The following NKAIN2 variants were observed in gnomAD, a reference collection of about 807,000 sequenced individuals.
NKAIN2 encodes sodium/potassium transporting ATPase interacting 2.
In NKAIN2, 14 loss-of-function variants were observed where a neutral mutation model predicts 32.6. The ratio of observed to expected loss-of-function variants is 0.43; its 90% CI spans 0.28 to 0.67. The LOEUF (loss-of-function observed/expected upper bound fraction) is 0.67, where lower values mean the gene tolerates loss of function less well. Among genes scored for constraint, NKAIN2 ranks in the 30% least tolerant of loss-of-function variants. The probability of loss-of-function intolerance (pLI) is 0.17; values close to 1 mark genes in which losing one functional copy is unlikely to be tolerated. For synonymous variants in NKAIN2, 80 were observed against 87.2 expected (o/e 0.92, Z 0.46); for missense variants, 198 against 258.3 (o/e 0.77, Z 1.60).
At chr6:124,098,054 C>A (rs1458065856) in intron 1 of NKAIN2, among the ~76,000 whole-genome samples, 1 of 151,854 alleles carries the variant, frequency 6.6e-6, no homozygotes, top group Non-Finnish European at 1.5e-5. Context: ...GAAGAGGAGA[C>A]CAAGGAGATT....
chr6:124,704,743 G>C (rs2114579567), intron 4 of NKAIN2, among the ~76,000 whole-genome samples: 1 of 151,920 alleles, frequency 6.6e-6, no homozygotes, highest in South Asian at 2.1e-4. Context: ...AATTCTGAGA[G>C]ACTTTCATTA....
chr6:124,076,020 C>T (rs1403333275), intron 1 of NKAIN2, among the ~76,000 whole-genome samples: 2 of 152,208 alleles, frequency 1.3e-5, no homozygotes, highest in Non-Finnish European at 2.9e-5. Flanking sequence ...TATTGTATAT[C>T]ACACAGGCAG....
At chr6:124,087,382 C>G (rs1396604839) in intron 1 of NKAIN2, among the ~76,000 whole-genome samples, 1 of 151,856 alleles carries the variant, frequency 6.6e-6, no homozygotes, top group African/African-American at 2.4e-5. Context: ...GATGTCCTCT[C>G]TCACCATCTC....
At chr6:124,277,185 C>T (rs958853540) in intron 1 of NKAIN2, among the ~76,000 whole-genome samples, 6 of 152,062 alleles carry the variant, frequency 3.9e-5, no homozygotes, top group Non-Finnish European at 8.8e-5. Context: ...AGAGTGGATG[C>T]TACTGGAAAC....
At chr6:124,708,753 T>G (rs1775254831) in intron 4 of NKAIN2, among the ~76,000 whole-genome samples, 1 of 151,732 alleles carries the variant, frequency 6.6e-6, no homozygotes, top group African/African-American at 2.4e-5. Context: ...GACAATGGGG[T>G]TTTCTAGATA....
chr6:124,797,169 CAAAAAAAAA>C (rs563319426), intron 5 of NKAIN2, among the ~76,000 whole-genome samples: 9 of 87,154 alleles, frequency 1.0e-4, no homozygotes, highest in African/African-American at 2.3e-4. Flanking sequence ...TCCATGTTAG[CAAAAAAAAA>C]AAAAAAAAAA....
At chr6:124,386,688 G>T (rs184841993) in intron 3 of NKAIN2, among the ~76,000 whole-genome samples, 122 of 152,248 alleles carry the variant, frequency 8.0e-4, no homozygotes, top group African/African-American at 2.8e-3. Context: ...GTTGGCTTTT[G>T]TTTGTGCTGT....
intron 2 of NKAIN2, among the ~76,000 whole-genome samples, chr6:124,314,813 C>G (rs1344692834): frequency 6.6e-6 from 1 of 152,136 alleles, no homozygotes; most frequent in Non-Finnish European, 1.5e-5. Context: ...ATACAGAAAG[C>G]ACCACTGCAA....
chr6:124,726,330 A>G (rs1425858760), intron 4 of NKAIN2, among the ~76,000 whole-genome samples: 26 of 152,324 alleles, frequency 1.7e-4, no homozygotes, highest in African/African-American at 6.0e-4. Flanking sequence ...TGAAGAGAGC[A>G]GTGGTTCTCC....
At chr6:124,097,755 G>A (rs1283322079) in intron 1 of NKAIN2, among the ~76,000 whole-genome samples, 1 of 152,132 alleles carries the variant, frequency 6.6e-6, no homozygotes, top group Non-Finnish European at 1.5e-5. Flanking sequence ...ATTTATGAAA[G>A]CATCATGATA....
intron 1 of NKAIN2, among the ~76,000 whole-genome samples, chr6:124,214,676 G>T (rs188443774): frequency 1.3e-5 from 2 of 152,176 alleles, no homozygotes; most frequent in East Asian, 3.9e-4. Context: ...ATTCCATCCT[G>T]GGCAAGAATG....
chr6:124,810,152 T>G (rs1418741408), intron 5 of NKAIN2, among the ~76,000 whole-genome samples: 1 of 152,148 alleles, frequency 6.6e-6, no homozygotes, highest in Non-Finnish European at 1.5e-5. Context: ...CAAAGGACTA[T>G]AAATCATGCT....
At chr6:124,738,894 A>G (rs528192135) in intron 4 of NKAIN2, among the ~76,000 whole-genome samples, 14 of 152,044 alleles carry the variant, frequency 9.2e-5, no homozygotes, top group African/African-American at 3.4e-4. Flanking sequence ...CACATTAGCA[A>G]TTATTTTCTT....
intron 2 of NKAIN2, among the ~76,000 whole-genome samples, chr6:124,314,376 A>C (rs994756055): frequency 2.0e-5 from 3 of 152,108 alleles, no homozygotes; most frequent in East Asian, 3.9e-4. Context: ...TACTCCTATA[A>C]GTTTTGCAAG....
intron 4 of NKAIN2, among the ~76,000 whole-genome samples, chr6:124,756,441 C>A (rs1476183984): frequency 1.3e-5 from 2 of 152,034 alleles, no homozygotes. Context: ...CTATGACCAG[C>A]CCTGCAAATG....
At chr6:123,911,524 T>C (rs559632392) in intron 1 of NKAIN2, among the ~76,000 whole-genome samples, 2 of 152,116 alleles carry the variant, frequency 1.3e-5, no homozygotes, top group African/African-American at 4.8e-5. Flanking sequence ...TCCATCCCTA[T>C]GATCCAAATA....
chr6:124,310,804 C>T (rs934222652), intron 2 of NKAIN2, among the ~76,000 whole-genome samples: 8 of 151,932 alleles, frequency 5.3e-5, no homozygotes, highest in African/African-American at 1.7e-4. Context: ...AATCCCAGGC[C>T]CTGAAAGCTA....
intron 3 of NKAIN2, among the ~76,000 whole-genome samples, chr6:124,441,292 T>C (rs1011694645): frequency 2.6e-5 from 4 of 152,116 alleles, no homozygotes; most frequent in African/African-American, 9.7e-5. Flanking sequence ...CATACCATGA[T>C]ATATATTAAT....
intron 3 of NKAIN2, among the ~76,000 whole-genome samples, chr6:124,468,908 G>A (rs1317250485): frequency 6.6e-6 from 1 of 152,082 alleles, no homozygotes; most frequent in Non-Finnish European, 1.5e-5. Flanking sequence ...GTGAAAGGTG[G>A]CATATGTTTT....
Sources: gnomAD v4.1 joint callset for allele counts (sites outside exome capture counted in the v4.1 genomes callset) on GRCh38, gnomAD v4.1.1 for gene constraint, MANE v1.5 for transcripts, NCBI Gene and HGNC (gene_info 2026-07-23, HGNC 2026-07-21) for gene names.